The following KCNIP1 variants were observed in gnomAD, a reference collection of about 807,000 sequenced individuals.
The protein encoded by KCNIP1 is potassium voltage-gated channel interacting protein 1.
In KCNIP1, 18 loss-of-function variants were observed where a neutral mutation model predicts 33.0. That is an observed-to-expected ratio of 0.55 (90% CI 0.38 to 0.81). KCNIP1 has a LOEUF of 0.81. Ranked by LOEUF, KCNIP1 falls within the 30% of genes least tolerant of loss-of-function variation. The pLI is 0.00. For synonymous variants in KCNIP1, 93 were observed against 98.3 expected, an observed-to-expected ratio of 0.95 and a Z score of 0.32; for missense variants, 238 against 271.6, an observed-to-expected ratio of 0.88 and a Z score of 0.87.
intron 1 of KCNIP1, chr5:170,374,843 C>T (rs1182664785): frequency 2.0e-5 from 3 of 152,274 alleles, no homozygotes; most frequent in Admixed American, 6.5e-5. Flanking sequence ...GTGGCATTTG[C>T]TAGAAGGCCA....
chr5:170,606,780 C>G (rs1396509571), intron 1 of KCNIP1, among the ~76,000 whole-genome samples: 1 of 152,250 alleles, frequency 6.6e-6, no homozygotes, highest in Non-Finnish European at 1.5e-5. Flanking sequence ...TGCAGTGTCC[C>G]AGGCCCACTC....
In KCNIP1 at chr5:170,581,960, A is replaced by T. The variant is rs148409795; in HGVS notation, c.61+77327A>T. Among the ~76,000 whole-genome samples the T allele has an allele frequency of 3.9e-4, 60 of 152,280 alleles. No individual in the cohort carries two copies. In the East Asian group the frequency reaches 9.8e-3, roughly 25 times the overall value. ...GAAAGGAAGCAAGGGAGAGGGGGAG[A>T]TGCCAGGCTCTTTTAAACAACCAGC... On this transcript the variant is annotated intron_variant, in intron 1 of 7. Transcript: ENST00000328939.
At chr5:170,680,339 G>A (rs1198517437) in intron 1 of KCNIP1, among the ~76,000 whole-genome samples, 1 of 152,164 alleles carries the variant, frequency 6.6e-6, no homozygotes, top group Non-Finnish European at 1.5e-5. Context: ...TTTAGGACAT[G>A]CCGACAGCAT....
At chr5:170,669,597 C>T (rs1245921837) in intron 1 of KCNIP1, 29 of 985,118 alleles carry the variant, frequency 2.9e-5, no homozygotes, top group Middle Eastern at 5.2e-4. Flanking sequence ...GTGTGGATAC[C>T]GCTGGATCAG....
At chr5:170,697,946 C>G (rs901002891) in intron 1 of KCNIP1, among the ~76,000 whole-genome samples, 4 of 151,996 alleles carry the variant, frequency 2.6e-5, no homozygotes, top group Non-Finnish European at 4.4e-5. Context: ...TGAGGGAGAC[C>G]AAGCAGCAGG....
intron 1 of KCNIP1, among the ~76,000 whole-genome samples, chr5:170,514,390 T>C (rs763411882): frequency 1.3e-5 from 2 of 152,200 alleles, no homozygotes; most frequent in Non-Finnish European, 2.9e-5. Context: ...TTCAGGAGGC[T>C]TCCCCACCCA....
chr5:170,375,941 C>G (rs1420813716), intron 1 of KCNIP1: 1 of 152,188 alleles, frequency 6.6e-6, no homozygotes, highest in Non-Finnish European at 1.5e-5. Flanking sequence ...GAATTTGAAC[C>G]CAAACAGTGC....
At chr5:170,519,780 AATGTAAAC>A (rs1366484982) in intron 1 of KCNIP1, among the ~76,000 whole-genome samples, 2 of 152,132 alleles carry the variant, frequency 1.3e-5, no homozygotes, top group East Asian at 3.9e-4. Context: ...TATGGAAGAA[AATGTAAAC>A]ATGTAGAGTG....
At position 170,626,923 on chromosome 5, in the gene KCNIP1, T is replaced by C. The variant is rs142314129; in HGVS notation, c.62-91835T>C. On this transcript the variant is annotated intron_variant, in intron 1 of 7. Coordinates refer to ENST00000328939, the MANE Select transcript of KCNIP1 (RefSeq NM_014592.4). ...CCAGATGCTCACTTCCCAGGCTCTC[T>C]TGCGGCTGAGCTGAGAGCAGGCACC... Among the ~76,000 whole-genome samples the C allele has an allele frequency of 3.9e-5, 6 of 152,326 alleles. No homozygotes were observed. The East Asian group carries it at 1.2e-3, about 29-fold the overall frequency.
intron 1 of KCNIP1, chr5:170,375,438 G>A (rs1763963429): frequency 6.6e-6 from 1 of 152,310 alleles, no homozygotes; most frequent in South Asian, 2.1e-4. Context: ...AGATGCCAGG[G>A]CCTCCCCTCA....
intron 7 of KCNIP1, among the ~76,000 whole-genome samples, chr5:170,734,713 C>T (rs547599786): frequency 2.0e-5 from 3 of 152,284 alleles, no homozygotes; most frequent in East Asian, 1.9e-4. Context: ...GTAAGAAAGC[C>T]GGGGAGAAGT....
In KCNIP1 at chr5:170,621,521, TTATTTA is replaced by T. The variant is rs1759602907; in HGVS notation, c.62-97235_62-97230del. On this transcript the variant is annotated intron_variant, in intron 1 of 7. Coordinates refer to ENST00000328939, the MANE Select transcript of KCNIP1 (RefSeq NM_014592.4). ...ATACTCCTCTTTATTATTTTTATTT[TTATTTA>T]TGTATTGATTTATTGCTCTGTCACC... 2.0e-5 allele frequency among the ~76,000 whole-genome samples: 3 copies of T among 152,270 alleles called. No individual in the cohort carries two copies. In the East Asian group the frequency reaches 5.8e-4, roughly 29 times the overall value.
intron 1 of KCNIP1, among the ~76,000 whole-genome samples, chr5:170,611,497 A>G (rs541142367): frequency 6.6e-6 from 1 of 152,344 alleles, no homozygotes; most frequent in East Asian, 1.9e-4. Context: ...AAAAGGTCAG[A>G]AGATGTGGAA....
rs550611207 is a variant in KCNIP1, at chr5:170,386,210, C to T, written c.88+32246C>T. On this transcript the variant is annotated intron_variant, in intron 1 of 7. Coordinates refer to the KCNIP1 transcript ENST00000377360. ...TATCCATGTAGCTCCTAAATGTAAT[C>T]CCAAGGGTCCTAATAAGAGGGAAGT... 9.9e-5 allele frequency among the ~76,000 whole-genome samples: 15 copies of T among 152,016 alleles called. No individual in the cohort carries two copies. In the East Asian group the frequency reaches 2.9e-3, roughly 29 times the overall value.
chr5:170,612,177 T>C lies in KCNIP1; in HGVS notation c.62-106581T>C, dbSNP rs372356453. Reference sequence around the variant, plus strand: ...GACAGACAGACACCCAATGACAACATTGAAGGCTTGCACGCACGAGGGGCC... The same window carrying C: ...GACAGACAGACACCCAATGACAACACTGAAGGCTTGCACGCACGAGGGGCC... On this transcript the variant is annotated intron_variant, in intron 1 of 7. Coordinates refer to ENST00000328939, the MANE Select transcript of KCNIP1 (RefSeq NM_014592.4). 3.1e-3 allele frequency among the ~76,000 whole-genome samples: 471 copies of C among 152,262 alleles called. 2 individuals carry two copies. Among genetic ancestry groups the C allele is most frequent in the African/African-American group, 0.011 (450 of 41,562 alleles).
At chr5:170,378,405 CAT>C in intron 1 of KCNIP1, 1 of 335,804 alleles carries the variant, frequency 3.0e-6, no homozygotes, top group Non-Finnish European at 5.4e-6. Context: ...CTGTGGGGCA[CAT>C]AGTGATGCAG....
rs186768139 is a variant in KCNIP1 at position 170,676,450 on chromosome 5, T to C, written c.62-42308T>C. On this transcript the variant is annotated intron_variant, in intron 1 of 7. Transcript: ENST00000328939. ...TTGCAGTTAAATAATTGCTTTCTGA[T>C]AGAATCAGGAGCTCTGAGATGGTGC... Among the ~76,000 whole-genome samples, 487 of 152,324 alleles carry C rather than the reference T, an allele frequency of 3.2e-3. 3 individuals carry two copies. Among genetic ancestry groups the C allele is most frequent in the African/African-American group, 0.011 (460 of 41,574 alleles).
At chr5:170,733,097 A>T (rs146032583) in intron 6 of KCNIP1, among the ~76,000 whole-genome samples, 193 bp downstream of exon 6, 2 of 152,370 alleles carry the variant, frequency 1.3e-5, no homozygotes, top group East Asian at 3.9e-4. Context: ...GAAGAGAACA[A>T]GAAAGTATAT....
At chr5:170,569,307 G>A (rs1757314472) in intron 1 of KCNIP1, among the ~76,000 whole-genome samples, 1 of 152,254 alleles carries the variant, frequency 6.6e-6, no homozygotes, top group South Asian at 2.1e-4. Context: ...CCCCGCTGCT[G>A]TGTGCAACAG....
Sources: gnomAD v4.1 joint callset for allele counts (sites outside exome capture counted in the v4.1 genomes callset) on GRCh38, gnomAD v4.1.1 for gene constraint, MANE v1.5 for transcripts, NCBI Gene and HGNC (gene_info 2026-07-23, HGNC 2026-07-21) for gene names.